The following NBAS variants were observed in gnomAD, a reference collection of about 807,000 sequenced individuals.
The protein encoded by NBAS is NBAS subunit of NRZ tethering complex, also known as NAG/BC035112 fusion.
Under a neutral mutation model 302.5 loss-of-function variants are expected in NBAS, and 219 were observed. The ratio of observed to expected loss-of-function variants is 0.72; its 90% CI spans 0.65 to 0.81. The LOEUF is 0.81. Ranked by LOEUF, NBAS falls within the 30% of genes least tolerant of loss-of-function variation. The probability of loss-of-function intolerance (pLI) is 0.00; values close to 1 mark genes in which losing one functional copy is unlikely to be tolerated. For missense variants in NBAS, 2,932 were observed against 2,841.6 expected, an observed-to-expected ratio of 1.03 and a Z score of -0.72; for synonymous variants, 1,118 against 1,021.6, an observed-to-expected ratio of 1.09 and a Z score of -1.80.
chr2:15,429,185 T>C (rs1054371992), intron 21 of NBAS, among the ~76,000 whole-genome samples: 2 of 152,156 alleles, frequency 1.3e-5, no homozygotes, highest in Non-Finnish European at 2.9e-5. Context: ...GGCATGTGAC[T>C]CTCTAAAATG....
At chr2:15,506,910 A>G (rs921987115) in intron 10 of NBAS, among the ~76,000 whole-genome samples, 2 of 152,262 alleles carry the variant, frequency 1.3e-5, no homozygotes, top group Non-Finnish European at 2.9e-5. Flanking sequence ...GATAACATCA[A>G]TAAGAATAGT....
the NBAS span, among the ~76,000 whole-genome samples, chr2:15,073,139 A>G: frequency 6.6e-6 from 1 of 152,042 alleles, no homozygotes; most frequent in African/African-American, 2.4e-5. Flanking sequence ...AAACAACAAC[A>G]ACAAAAAAGA....
the NBAS span, among the ~76,000 whole-genome samples, chr2:14,874,490 A>G: frequency 6.6e-6 from 1 of 150,574 alleles, no homozygotes; most frequent in African/African-American, 2.4e-5. Flanking sequence ...AATACAAAAA[A>G]TGAGCCGGGC....
the NBAS span, among the ~76,000 whole-genome samples, chr2:15,153,540 A>G: frequency 6.6e-6 from 1 of 152,254 alleles, no homozygotes. Flanking sequence ...TATTCAACTA[A>G]CATTAGCATT....
the NBAS span, among the ~76,000 whole-genome samples, chr2:14,781,746 C>CAAAAAAA: frequency 4.4e-5 from 6 of 135,880 alleles, no homozygotes; most frequent in Non-Finnish European, 6.5e-5. Flanking sequence ...GCTATTGTGA[C>CAAAAAAA]AAAAAAAAAA....
chr2:15,434,021 G>GGA (rs1339566602), intron 21 of NBAS, among the ~76,000 whole-genome samples: 1 of 151,986 alleles, frequency 6.6e-6, no homozygotes, highest in Non-Finnish European at 1.5e-5. Flanking sequence ...CAGCTACTTA[G>GGA]GAGGCTGAGG....
At chr2:14,864,553 G>GA in the NBAS span, among the ~76,000 whole-genome samples, 1 of 152,056 alleles carries the variant, frequency 6.6e-6, no homozygotes, top group Non-Finnish European at 1.5e-5. Context: ...TACTAAACAT[G>GA]AAAAACAGAC....
intron 22 of NBAS, among the ~76,000 whole-genome samples, chr2:15,425,573 C>G (rs939088905): frequency 2.0e-5 from 3 of 152,122 alleles, no homozygotes; most frequent in African/African-American, 7.2e-5. Flanking sequence ...TACCCAAATG[C>G]CTTTGACAAC....
chr2:15,133,838 T>G, the NBAS span, among the ~76,000 whole-genome samples: 1 of 152,178 alleles, frequency 6.6e-6, no homozygotes. Context: ...TATTTCTGTT[T>G]CAGGAAGGAA....
chr2:14,823,136 C>T, the NBAS span, among the ~76,000 whole-genome samples: 1 of 152,146 alleles, frequency 6.6e-6, no homozygotes, highest in African/African-American at 2.4e-5. Context: ...TACAGGGACT[C>T]GATTTAAGCA....
intron 42 of NBAS, among the ~76,000 whole-genome samples, chr2:15,278,400 C>A (rs976612399): frequency 4.6e-5 from 7 of 152,154 alleles, no homozygotes; most frequent in African/African-American, 1.7e-4. Flanking sequence ...TGCTGAATAT[C>A]CTTCTATTCT....
Position 15,553,478 on chromosome 2 carries a change from T to C in NBAS, c.288-5A>G, listed in dbSNP as rs1163946493. 2.9e-5 allele frequency: 46 copies of C among 1,609,378 alleles called. No homozygotes were observed. Among genetic ancestry groups the C allele is most frequent in the Non-Finnish European group, 3.9e-5 (46 of 1,175,896 alleles). Reference sequence around the variant, plus strand: ...GCAGCCAAAAGCTTTCCATTGCTTTTATGGAGAAGAAAGAGGGGGAAGAAA... The same window carrying C: ...GCAGCCAAAAGCTTTCCATTGCTTTCATGGAGAAGAAAGAGGGGGAAGAAA... On this transcript the variant is annotated splice_region_variant and splice_polypyrimidine_tract_variant and intron_variant, in intron 4 of 51. Coordinates refer to ENST00000281513, the MANE Select transcript of NBAS (RefSeq NM_015909.4).
the NBAS span, among the ~76,000 whole-genome samples, chr2:14,896,236 A>T: frequency 6.6e-6 from 1 of 151,950 alleles, no homozygotes; most frequent in Non-Finnish European, 1.5e-5. Context: ...GTAGAGCCTC[A>T]CTTTGCCCTC....
intron 6 of NBAS, among the ~76,000 whole-genome samples, chr2:15,545,405 G>C (rs1180824706): frequency 6.6e-6 from 1 of 151,972 alleles, no homozygotes; most frequent in African/African-American, 2.4e-5. Context: ...TTAACAAATG[G>C]ACAAAACTCT....
At chr2:15,083,088 A>G in the NBAS span, among the ~76,000 whole-genome samples, 2 of 152,340 alleles carry the variant, frequency 1.3e-5, no homozygotes, top group Admixed American at 1.3e-4. Flanking sequence ...GAAAGCAGCT[A>G]TGTGCAGGAT....
At chr2:14,794,996 C>T in the NBAS span, among the ~76,000 whole-genome samples, 5 of 152,002 alleles carry the variant, frequency 3.3e-5, no homozygotes, top group African/African-American at 9.7e-5. Flanking sequence ...TTTGTCCATT[C>T]GCCTGTTAAT....
At chr2:15,047,525 G>A in the NBAS span, among the ~76,000 whole-genome samples, 1 of 117,254 alleles carries the variant, frequency 8.5e-6, no homozygotes, top group South Asian at 2.9e-4. Context: ...GGCTGGGCCC[G>A]GGCAGATGAA....
At chr2:14,816,238 A>G in the NBAS span, among the ~76,000 whole-genome samples, 61,438 of 152,082 alleles carry the variant, frequency 0.4, 13,025 homozygotes, top group African/African-American at 0.53. Flanking sequence ...GCAGGAGGTG[A>G]GCAGTGTGAG....
At chr2:14,843,146 T>G in the NBAS span, among the ~76,000 whole-genome samples, 1 of 152,100 alleles carries the variant, frequency 6.6e-6, no homozygotes, top group Admixed American at 6.6e-5. Context: ...CTCAACAAAC[T>G]GGATATAGAA....
Sources: allele counts gnomAD v4.1 joint callset (sites outside exome capture counted in the v4.1 genomes callset), GRCh38; gene constraint gnomAD v4.1.1; transcripts MANE v1.5; gene names NCBI Gene and HGNC (gene_info 2026-07-23, HGNC 2026-07-21).